The following ST6GALNAC3 variants were observed in gnomAD, a reference collection of about 807,000 sequenced individuals.
The protein encoded by ST6GALNAC3 is ST6 N-acetylgalactosaminide alpha-2,6-sialyltransferase 3.
Under a neutral mutation model 32.7 loss-of-function variants are expected in ST6GALNAC3, and 25 were observed. The observed-to-expected ratio is 0.76, with a 90% CI of 0.56 to 1.07. The LOEUF (loss-of-function observed/expected upper bound fraction) is 1.07, where lower values mean the gene tolerates loss of function less well. ST6GALNAC3 is among the 50% of genes least tolerant of loss of function. ST6GALNAC3 has a pLI of 0.00. For synonymous variants in ST6GALNAC3, 129 were observed against 133.1 expected, an observed-to-expected ratio of 0.97 and a Z score of 0.21; for missense variants, 355 against 382.4, an observed-to-expected ratio of 0.93 and a Z score of 0.60.
chr1:76,511,392 T>G (rs1181002948), intron 3 of ST6GALNAC3, among the ~76,000 whole-genome samples: 4 of 152,126 alleles, frequency 2.6e-5, no homozygotes, highest in African/African-American at 9.7e-5. Context: ...CTGTGCTGTT[T>G]CAGGCCCATG....
At chr1:76,473,565 T>C (rs1659168848) in intron 3 of ST6GALNAC3, among the ~76,000 whole-genome samples, 1 of 152,176 alleles carries the variant, frequency 6.6e-6, no homozygotes, top group African/African-American at 2.4e-5. Flanking sequence ...ACTTTCAGAG[T>C]TGAATTATAT....
intron 3 of ST6GALNAC3, among the ~76,000 whole-genome samples, chr1:76,418,898 C>T (rs1298230563): frequency 6.6e-6 from 1 of 151,398 alleles, no homozygotes; most frequent in African/African-American, 2.4e-5. Context: ...TACATTAGGC[C>T]TCCTCTGTAA....
At chr1:76,484,908 T>C (rs1186162782) in intron 3 of ST6GALNAC3, among the ~76,000 whole-genome samples, 1 of 152,202 alleles carries the variant, frequency 6.6e-6, no homozygotes, top group Non-Finnish European at 1.5e-5. Context: ...CAATACTTAA[T>C]TTATTGAGAG....
At chr1:76,209,689 G>GT (rs1256080909) in intron 1 of ST6GALNAC3, among the ~76,000 whole-genome samples, 1 of 152,162 alleles carries the variant, frequency 6.6e-6, no homozygotes, top group Non-Finnish European at 1.5e-5. Flanking sequence ...TTGTTTAAAA[G>GT]TTATTAAAGA....
intron 3 of ST6GALNAC3, among the ~76,000 whole-genome samples, chr1:76,477,319 A>G (rs1270809445): frequency 2.0e-5 from 3 of 152,072 alleles, no homozygotes; most frequent in Admixed American, 2.0e-4. Context: ...TCCATTGACC[A>G]CATTCTTAAT....
intron 1 of ST6GALNAC3, among the ~76,000 whole-genome samples, chr1:76,158,663 T>A (rs891704035): frequency 6.6e-6 from 1 of 152,230 alleles, no homozygotes; most frequent in Non-Finnish European, 1.5e-5. Context: ...GAGATCATAG[T>A]AGCTACCTCA....
chr1:76,356,959 C>A (rs1649508585), intron 2 of ST6GALNAC3, among the ~76,000 whole-genome samples: 1 of 151,818 alleles, frequency 6.6e-6, no homozygotes, highest in Non-Finnish European at 1.5e-5. Flanking sequence ...AATAGGTAAC[C>A]CAAGGTACGC....
intron 3 of ST6GALNAC3, among the ~76,000 whole-genome samples, chr1:76,498,376 A>C (rs1177763686): frequency 1.3e-5 from 2 of 152,166 alleles, no homozygotes; most frequent in African/African-American, 4.8e-5. Context: ...TAATTTTTCT[A>C]AACACCAATC....
At chr1:76,574,775 T>G (rs1646773616) in intron 3 of ST6GALNAC3, among the ~76,000 whole-genome samples, 1 of 151,928 alleles carries the variant, frequency 6.6e-6, no homozygotes, top group Admixed American at 6.6e-5. Context: ...ATGAAGAAAA[T>G]AATAGCTTGT....
intron 1 of ST6GALNAC3, among the ~76,000 whole-genome samples, chr1:76,153,083 C>T (rs888579611): frequency 2.0e-5 from 3 of 152,106 alleles, no homozygotes; most frequent in Non-Finnish European, 4.4e-5. Flanking sequence ...ACCATTTTTG[C>T]TCCTTTTAAT....
At chr1:76,574,092 G>T (rs1317616677) in intron 3 of ST6GALNAC3, among the ~76,000 whole-genome samples, 1 of 152,072 alleles carries the variant, frequency 6.6e-6, no homozygotes, top group Non-Finnish European at 1.5e-5. Flanking sequence ...TATGGAAAAT[G>T]GAAGAGAGAG....
intron 1 of ST6GALNAC3, among the ~76,000 whole-genome samples, chr1:76,088,464 G>T (rs544288049): frequency 6.6e-6 from 1 of 152,262 alleles, no homozygotes; most frequent in East Asian, 1.9e-4. Context: ...TTTCCAATCA[G>T]ATCAACTTAG....
At chr1:76,323,728 TAGAA>T (rs1297014177) in intron 2 of ST6GALNAC3, among the ~76,000 whole-genome samples, 4 of 152,234 alleles carry the variant, frequency 2.6e-5, no homozygotes, top group Non-Finnish European at 5.9e-5. Flanking sequence ...AATGTAGTCA[TAGAA>T]AGAAAGTTTG....
chr1:76,447,480 T>G (rs1242325968), intron 3 of ST6GALNAC3, among the ~76,000 whole-genome samples: 2 of 152,126 alleles, frequency 1.3e-5, no homozygotes, highest in African/African-American at 4.8e-5. Context: ...GAAATTTGCA[T>G]AAGTAACAAG....
chr1:76,268,819 T>C (rs1484087494), intron 1 of ST6GALNAC3, among the ~76,000 whole-genome samples: 2 of 152,174 alleles, frequency 1.3e-5, no homozygotes, highest in Non-Finnish European at 2.9e-5. Flanking sequence ...CTAACCACGA[T>C]GTACCCACCT....
intron 3 of ST6GALNAC3, among the ~76,000 whole-genome samples, chr1:76,569,265 G>T (rs1247914505): frequency 6.6e-6 from 1 of 152,062 alleles, no homozygotes; most frequent in African/African-American, 2.4e-5. Context: ...ATATTTTGTT[G>T]TATTGGTACA....
rs778410664 is a variant in ST6GALNAC3 at position 76,411,983 on chromosome 1, C to T, written c.214-25C>T. The T allele has an allele frequency of 4.4e-6, 7 of 1,596,312 alleles. No homozygotes were observed. In the African/African-American group the frequency reaches 9.4e-5, roughly 22 times the overall value. ...TGACTAAGTGGAATTTACTAATTTA[C>T]ATGCCTTCTTTCTCTATTTTTCAGC... On this transcript the variant is annotated intron_variant, in intron 2 of 4. Transcript: ENST00000328299.
chr1:76,601,828 T>C (rs1647249326), intron 3 of ST6GALNAC3, among the ~76,000 whole-genome samples: 5 of 152,160 alleles, frequency 3.3e-5, no homozygotes, highest in Admixed American at 3.3e-4. Context: ...CAGGCAGTGC[T>C]GAACATGACC....
intron 1 of ST6GALNAC3, among the ~76,000 whole-genome samples, chr1:76,206,909 C>G (rs906464814): frequency 2.6e-5 from 4 of 152,176 alleles, no homozygotes; most frequent in Non-Finnish European, 5.9e-5. Flanking sequence ...TTTCGTCCCT[C>G]TAAATAGACA....
Sources: gnomAD v4.1 joint callset for allele counts (sites outside exome capture counted in the v4.1 genomes callset) on GRCh38, gnomAD v4.1.1 for gene constraint, MANE v1.5 for transcripts, NCBI Gene and HGNC (gene_info 2026-07-23, HGNC 2026-07-21) for gene names.